CPNE4: variants seen among roughly 807,000 people sequenced by gnomAD.
The protein encoded by CPNE4 is copine-4.
In CPNE4, 25 loss-of-function variants were observed where a neutral mutation model predicts 67.9. That is an observed-to-expected ratio of 0.37 (90% confidence interval 0.27 to 0.51). The LOEUF (loss-of-function observed/expected upper bound fraction) is 0.51, where lower values mean the gene tolerates loss of function less well. CPNE4 is among the 20% of genes least tolerant of loss of function. CPNE4 has a pLI of 0.93. For missense variants in CPNE4, 464 were observed against 690.8 expected (o/e 0.67, Z 3.68); for synonymous variants, 242 against 244.9 (o/e 0.99, Z 0.11).
chr3:131,625,762 A>AAAC (rs2079058028), intron 7 of CPNE4, among the ~76,000 whole-genome samples: 3 of 152,050 alleles, frequency 2.0e-5, no homozygotes, highest in African/African-American at 7.3e-5. Flanking sequence ...GAGATTGCCA[A>AAAC]AAACAATCAA....
chr3:132,011,947 C>T (rs2073774411), intron 1 of CPNE4, among the ~76,000 whole-genome samples: 1 of 152,146 alleles, frequency 6.6e-6, no homozygotes. Context: ...CTTGGGAAGA[C>T]TTCTTTCTGT....
intron 6 of CPNE4, among the ~76,000 whole-genome samples, chr3:131,678,438 G>A (rs1021494745): frequency 5.9e-5 from 9 of 151,896 alleles, no homozygotes; most frequent in Non-Finnish European, 7.4e-5. Context: ...TCTTTCTCTC[G>A]CCTGATTGCT....
At chr3:131,542,407 G>A (rs1935554175) in intron 15 of CPNE4, 150 bp downstream of exon 15, 2 of 683,548 alleles carry the variant, frequency 2.9e-6, no homozygotes, top group Non-Finnish European at 5.3e-6. Flanking sequence ...AGCTAAGCCA[G>A]GTCATCTCCC....
chr3:131,992,757 G>A lies in CPNE4; in HGVS notation c.-2+41810C>T, dbSNP rs2073198732. On this transcript the variant is annotated intron_variant, in intron 1 of 15. Coordinates refer to ENST00000429747, the MANE Select transcript of CPNE4 (RefSeq NM_130808.3). Reference sequence around the variant, plus strand: ...CCATAATCCCCATGTGTTGTCAGAGGGACCTGGTGGGAGGTAATTTAATCA... The same window carrying A: ...CCATAATCCCCATGTGTTGTCAGAGAGACCTGGTGGGAGGTAATTTAATCA... 2.2e-5 allele frequency among the ~76,000 whole-genome samples: 3 copies of A among 135,964 alleles called. 1 individual carries two copies. Among genetic ancestry groups the A allele is most frequent in the Non-Finnish European group, 3.3e-5 (2 of 59,846 alleles). The allele number at this position is 135,964 out of a possible 152,430, so 89.2% of individuals were successfully genotyped here. A position where few individuals can be genotyped will look rare whatever the true frequency, so the allele number is the denominator to read the frequency against.
intron 2 of CPNE4, among the ~76,000 whole-genome samples, chr3:131,824,876 C>T (rs1007469700): frequency 1.3e-5 from 2 of 152,070 alleles, no homozygotes; most frequent in Non-Finnish European, 2.9e-5. Context: ...CTTGATATTC[C>T]TGAACATTCC....
In CPNE4 at chr3:131,669,672, G is replaced by A; in HGVS notation, c.681+3C>T. On this transcript the variant is annotated splice_donor_region_variant and intron_variant, in intron 7 of 15. Coordinates refer to ENST00000429747, the MANE Select transcript of CPNE4 (RefSeq NM_130808.3). ...TCACATTTCTTGGACACAGATTTCT[G>A]ACCTTTAGCCGGCGGTCTGGGTCTC... is the stretch of plus-strand genomic sequence containing the variant. 8.1e-6 allele frequency: 13 copies of A among 1,599,460 alleles called. No individual in the cohort carries two copies. Among genetic ancestry groups the A allele is most frequent in the Non-Finnish European group, 1.1e-5 (13 of 1,171,034 alleles).
intron 2 of CPNE4, among the ~76,000 whole-genome samples, chr3:131,847,638 T>C (rs186796968): frequency 2.0e-5 from 3 of 152,342 alleles, no homozygotes; most frequent in Admixed American, 2.0e-4. Context: ...TAACACTCTT[T>C]GCATTAAAAT....
chr3:131,669,638 T>C, intron 7 of CPNE4, 37 bp downstream of exon 7: 2 of 1,519,190 alleles, frequency 1.3e-6, no homozygotes, highest in Non-Finnish European at 9.0e-7. Flanking sequence ...AAATACTTTT[T>C]TTAAAAAATC....
At chr3:131,982,640 G>A (rs1179887929) in intron 1 of CPNE4, among the ~76,000 whole-genome samples, 1 of 152,060 alleles carries the variant, frequency 6.6e-6, no homozygotes, top group African/African-American at 2.4e-5. Context: ...GTATATTATT[G>A]TGATTTACTT....
chr3:131,965,716 T>A (rs1166888546), intron 1 of CPNE4, among the ~76,000 whole-genome samples: 1 of 152,156 alleles, frequency 6.6e-6, no homozygotes, highest in Non-Finnish European at 1.5e-5. Flanking sequence ...GGCACCCAGA[T>A]TCATAAAGCA....
intron 2 of CPNE4, among the ~76,000 whole-genome samples, chr3:131,892,003 A>G (rs558622659): frequency 5.9e-5 from 9 of 152,242 alleles, no homozygotes; most frequent in African/African-American, 2.2e-4. Flanking sequence ...TCTGTGGAGT[A>G]TGAAAGCCCA....
chr3:131,565,506 G>A (rs1028462763), intron 10 of CPNE4, among the ~76,000 whole-genome samples: 10 of 152,002 alleles, frequency 6.6e-5, no homozygotes, highest in South Asian at 4.1e-4. Context: ...CACATGCCAC[G>A]TGTGTGTTTG....
intron 3 of CPNE4, 76 bp from the exon 4 acceptor site, chr3:131,700,056 T>C: frequency 8.8e-6 from 1 of 113,152 alleles, no homozygotes; most frequent in South Asian, 2.0e-4. Context: ...TTTTAAACCT[T>C]TTTTTTTTTT....
chr3:131,825,302 C>A (rs1311080165), intron 2 of CPNE4, among the ~76,000 whole-genome samples: 1 of 151,976 alleles, frequency 6.6e-6, no homozygotes, highest in African/African-American at 2.4e-5. Flanking sequence ...TCAAGACCAG[C>A]CTGACCAACA....
At chr3:131,736,611 C>CA (rs71136406) in intron 2 of CPNE4, among the ~76,000 whole-genome samples, 1,795 of 81,744 alleles carry the variant, frequency 0.022, 46 homozygotes, top group African/African-American at 0.085. Flanking sequence ...AAGACTGTCT[C>CA]AAAAAAAAAA....
intron 2 of CPNE4, among the ~76,000 whole-genome samples, chr3:131,886,372 G>A (rs189351104): frequency 6.6e-5 from 10 of 152,352 alleles, no homozygotes; most frequent in South Asian, 2.1e-4. Context: ...GAAGATGTAC[G>A]GAAACACCTG....
chr3:131,728,682 G>T (rs563065383), intron 2 of CPNE4, among the ~76,000 whole-genome samples: 1 of 151,936 alleles, frequency 6.6e-6, no homozygotes, highest in African/African-American at 2.4e-5. Flanking sequence ...AGGCCGAGGC[G>T]GGCGGATCAC....
intron 12 of CPNE4, among the ~76,000 whole-genome samples, chr3:131,552,875 A>G (rs536853103): frequency 1.1e-4 from 17 of 152,214 alleles, no homozygotes; most frequent in African/African-American, 3.4e-4. Flanking sequence ...AAAAATAAAA[A>G]CAAAAAAACT....
chr3:131,733,374 CTCT>C (rs910569061), intron 2 of CPNE4, among the ~76,000 whole-genome samples: 2 of 152,230 alleles, frequency 1.3e-5, no homozygotes, highest in African/African-American at 2.4e-5. Context: ...TCTCTTCCTC[CTCT>C]TGTTATATTT....
Sources: gnomAD v4.1 joint callset for allele counts (sites outside exome capture counted in the v4.1 genomes callset) on GRCh38, gnomAD v4.1.1 for gene constraint, MANE v1.5 for transcripts, NCBI Gene and HGNC (gene_info 2026-07-23, HGNC 2026-07-21) for gene names.